The following FBXL20 variants were observed in gnomAD, a reference collection of about 807,000 sequenced individuals.
The protein encoded by FBXL20 is F-box/LRR-repeat protein 20.
A neutral mutation model predicts 64.0 loss-of-function variants in FBXL20; 11 were observed. That is an observed-to-expected ratio of 0.17 (90% CI 0.11 to 0.28). FBXL20 has a LOEUF of 0.28. Among genes scored for constraint, FBXL20 ranks in the 10% least tolerant of loss-of-function variants. The probability of loss-of-function intolerance (pLI) is 1.00; values close to 1 mark genes in which losing one functional copy is unlikely to be tolerated. For missense variants in FBXL20, 303 were observed against 526.2 expected (o/e 0.58, Z 4.15); for synonymous variants, 184 against 189.0 (o/e 0.97, Z 0.22).
chr17:39,335,514 C>T (rs1223421401), intron 2 of FBXL20, among the ~76,000 whole-genome samples: 2 of 136,226 alleles, frequency 1.5e-5, no homozygotes, highest in Non-Finnish European at 3.0e-5. Flanking sequence ...ACCCAGGAGG[C>T]GGAGGTTGCA....
At chr17:39,396,283 C>A (rs911622581) in intron 1 of FBXL20, among the ~76,000 whole-genome samples, 4 of 151,970 alleles carry the variant, frequency 2.6e-5, no homozygotes, top group African/African-American at 9.7e-5. Flanking sequence ...AGAGGGAAAT[C>A]ACCAAGCTAG....
intron 10 of FBXL20, among the ~76,000 whole-genome samples, chr17:39,271,568 AGC>A (rs1409457019): frequency 1.6e-5 from 2 of 128,858 alleles, no homozygotes; most frequent in Non-Finnish European, 3.1e-5. Flanking sequence ...ACTGCACTCC[AGC>A]CTGGGTGACA....
At chr17:39,374,386 A>C (rs1014958459) in intron 1 of FBXL20, among the ~76,000 whole-genome samples, 6 of 151,606 alleles carry the variant, frequency 4.0e-5, no homozygotes, top group Non-Finnish European at 8.8e-5. Context: ...AAAAAAAAAA[A>C]TTAATCAGGC....
chr17:39,384,288 G>A (rs1247479762), intron 1 of FBXL20, among the ~76,000 whole-genome samples: 2 of 152,038 alleles, frequency 1.3e-5, no homozygotes, highest in Non-Finnish European at 2.9e-5. Context: ...AGCACTTTAG[G>A]TGGCCGAGGT....
upstream of FBXL20, chr17:39,402,072 G>C: frequency 9.4e-7 from 1 of 1,059,522 alleles, no homozygotes; most frequent in Non-Finnish European, 1.2e-6. Context: ...CAGAACCTCA[G>C]CCTCTGCCCG....
At position 39,264,492 on chromosome 17, in the gene FBXL20, G is replaced by A; in HGVS notation, c.991-105C>T. 3.2e-6 allele frequency: 4 copies of A among 1,243,766 alleles called. No homozygotes were observed. In the South Asian group the frequency reaches 4.2e-5, roughly 13 times the overall value. The allele number at this position is 1,243,766 out of a possible 1,614,324, so 77.0% of individuals were successfully genotyped here. A position where few individuals can be genotyped will look rare whatever the true frequency, so the allele number is the denominator to read the frequency against. On this transcript the variant is annotated intron_variant, in intron 13 of 14. Transcript: ENST00000264658. Reference sequence around the variant, plus strand: ...GGAGACATTTTGGTTTGATTTTGATGAATATGGAGCTGGCACTAGATCCAC... The same window carrying A: ...GGAGACATTTTGGTTTGATTTTGATAAATATGGAGCTGGCACTAGATCCAC...
chr17:39,333,870 G>A (rs878950176), intron 2 of FBXL20, among the ~76,000 whole-genome samples: 5 of 149,796 alleles, frequency 3.3e-5, no homozygotes, highest in Non-Finnish European at 5.9e-5. Flanking sequence ...GTCTCTGACC[G>A]GCTGCCCCGT....
chr17:39,381,263 C>T (rs188438102), intron 1 of FBXL20, among the ~76,000 whole-genome samples: 1 of 151,550 alleles, frequency 6.6e-6, no homozygotes, highest in Non-Finnish European at 1.5e-5. Context: ...ACTGCTTGAG[C>T]GTAGGAGTTT....
At chr17:39,385,937 G>A (rs949855875) in intron 1 of FBXL20, among the ~76,000 whole-genome samples, 1 of 151,042 alleles carries the variant, frequency 6.6e-6, no homozygotes, top group Non-Finnish European at 1.5e-5. Flanking sequence ...GGCTGAGGCA[G>A]GAGAATCACT....
At chr17:39,269,801 T>G (rs1037963904) in intron 11 of FBXL20, among the ~76,000 whole-genome samples, 2 of 151,998 alleles carry the variant, frequency 1.3e-5, no homozygotes, top group African/African-American at 4.8e-5. Context: ...CCCGGCCTTT[T>G]GTATTTCTTA....
At chr17:39,272,718 A>G (rs7359595) in intron 10 of FBXL20, among the ~76,000 whole-genome samples, 6,778 of 79,232 alleles carry the variant, frequency 0.086, 179 homozygotes, top group Non-Finnish European at 0.14. Flanking sequence ...AAAAAAAAAA[A>G]AAAGAAAGAA....
intron 2 of FBXL20, among the ~76,000 whole-genome samples, chr17:39,319,798 G>A (rs951271841): frequency 6.1e-5 from 9 of 146,354 alleles, no homozygotes; most frequent in Admixed American, 2.1e-4. Context: ...TTTTAAAATA[G>A]AGACCGGGTC....
rs2046673188 is a variant in FBXL20 at position 39,254,020 on chromosome 17, T to C, written c.*7440A>G. The C allele has an allele frequency of 6.6e-6, 1 of 152,142 alleles. No individual in the cohort carries two copies. The highest frequency in any genetic ancestry group is 6.5e-5 in the Admixed American group (1 of 15,274). 9.4% of individuals were successfully genotyped at this position (152,142 alleles called of 1,614,324 possible). On this transcript the variant is annotated 3_prime_UTR_variant, in exon 15 of 15. Coordinates refer to ENST00000264658, the MANE Select transcript of FBXL20 (RefSeq NM_032875.3). ...CATATATGTGTGAGCAGCAATGAGG[T>C]ACAGATCTGAATTAATGAGATAATG...
chr17:39,282,424 G>A (rs2046956739), intron 8 of FBXL20, among the ~76,000 whole-genome samples: 1 of 152,158 alleles, frequency 6.6e-6, no homozygotes, highest in Non-Finnish European at 1.5e-5. Flanking sequence ...GTGACAACAA[G>A]CCAAGTTTTC....
chr17:39,309,675 G>A (rs2047213852), intron 2 of FBXL20, among the ~76,000 whole-genome samples: 1 of 151,292 alleles, frequency 6.6e-6, no homozygotes, highest in South Asian at 2.1e-4. Context: ...GGTGGTGTAC[G>A]CTGTAATCCC....
At chr17:39,340,386 C>T (rs1224138834) in intron 2 of FBXL20, among the ~76,000 whole-genome samples, 3 of 151,618 alleles carry the variant, frequency 2.0e-5, no homozygotes, top group African/African-American at 4.8e-5. Context: ...TGAGCCACCG[C>T]GCCCGACTAA....
intron 1 of FBXL20, among the ~76,000 whole-genome samples, chr17:39,348,190 C>A (rs550580574): frequency 6.6e-6 from 1 of 151,356 alleles, no homozygotes; most frequent in African/African-American, 2.4e-5. Flanking sequence ...CGGCTGAGCG[C>A]GGTGGCTCAC....
chr17:39,343,985 T>C lies in FBXL20; in HGVS notation c.43-744A>G, dbSNP rs146335571. On this transcript the variant is annotated intron_variant, in intron 1 of 14. Transcript: ENST00000264658. The stretch of plus-strand genomic sequence containing the variant: ...TTCAAGCAATTCTCCTGCTTCAGCC[T>C]CCCAAGTAGCTGGGATTACAGGTCC... 7.1e-3 allele frequency among the ~76,000 whole-genome samples: 1,076 copies of C among 152,186 alleles called. 8 individuals carry two copies. The highest frequency in any genetic ancestry group is 0.012 in the Non-Finnish European group (820 of 67,992).
chr17:39,391,143 G>A (rs1040997598), intron 1 of FBXL20, among the ~76,000 whole-genome samples: 2 of 151,710 alleles, frequency 1.3e-5, no homozygotes, highest in African/African-American at 4.8e-5. Context: ...GCAGTTCGGT[G>A]CAGTGGCTCA....
Sources: allele counts gnomAD v4.1 joint callset (sites outside exome capture counted in the v4.1 genomes callset), GRCh38; gene constraint gnomAD v4.1.1; transcripts MANE v1.5; gene names NCBI Gene and HGNC (gene_info 2026-07-23, HGNC 2026-07-21).